The following PTPN4 variants were observed in gnomAD, a reference collection of about 807,000 sequenced individuals.
PTPN4 encodes the protein protein tyrosine phosphatase non-receptor type 4.
PTPN4 carries 49 observed loss-of-function variants against 135.5 expected under a neutral mutation model. The ratio of observed to expected loss-of-function variants is 0.36; its 90% CI spans 0.29 to 0.46. PTPN4 has a LOEUF of 0.46. Among genes scored for constraint, PTPN4 ranks in the 20% least tolerant of loss-of-function variants. The probability of loss-of-function intolerance (pLI) is 1.00; values close to 1 mark genes in which losing one functional copy is unlikely to be tolerated. For missense variants in PTPN4, 860 were observed against 1,101.0 expected (o/e 0.78, Z 3.10); for synonymous variants, 333 against 369.9 (o/e 0.90, Z 1.14).
chr2:119,795,443 T>C (rs1280131908), intron 1 of PTPN4, among the ~76,000 whole-genome samples: 1 of 152,246 alleles, frequency 6.6e-6, no homozygotes, highest in African/African-American at 2.4e-5. Context: ...GCCTTTCTCC[T>C]GTGCTCGTTG....
At chr2:119,799,384 T>TA (rs1224152753) in intron 1 of PTPN4, among the ~76,000 whole-genome samples, 6 of 152,062 alleles carry the variant, frequency 3.9e-5, no homozygotes, top group Non-Finnish European at 8.8e-5. Context: ...ATTTGAAAAA[T>TA]AAAAAACACT....
At chr2:119,943,641 A>G (rs1348850671) in intron 15 of PTPN4, among the ~76,000 whole-genome samples, 1 of 123,766 alleles carries the variant, frequency 8.1e-6, no homozygotes, top group Non-Finnish European at 1.6e-5. Context: ...GTTGGAGTGC[A>G]GTGGCGCGAT....
chr2:119,944,755 C>G (rs991449403), intron 15 of PTPN4, among the ~76,000 whole-genome samples: 1 of 152,090 alleles, frequency 6.6e-6, no homozygotes, highest in African/African-American at 2.4e-5. Context: ...TCTTGCCTAC[C>G]TTATTCCTGG....
At chr2:119,952,937 T>C (rs1363353264) in intron 19 of PTPN4, among the ~76,000 whole-genome samples, 2 of 152,328 alleles carry the variant, frequency 1.3e-5, no homozygotes, top group Middle Eastern at 3.4e-3. Context: ...AGTCCATCTT[T>C]CTTCAGTCCT....
chr2:119,933,626 G>A (rs1271429937), intron 14 of PTPN4, among the ~76,000 whole-genome samples: 3 of 146,306 alleles, frequency 2.1e-5, no homozygotes, highest in African/African-American at 7.7e-5. Flanking sequence ...TCACACCACT[G>A]CACTTCAGCC....
intron 1 of PTPN4, among the ~76,000 whole-genome samples, chr2:119,761,026 G>A (rs1690482579): frequency 6.6e-6 from 1 of 152,130 alleles, no homozygotes; most frequent in South Asian, 2.1e-4. Flanking sequence ...CTTGCATCAT[G>A]TAGTGACATC....
At position 119,900,350 on chromosome 2, in the gene PTPN4, G is replaced by C. The variant is rs1574395098; in HGVS notation, c.676-368G>C. Reference sequence around the variant, plus strand: ...TCATGTTTGTGATGTTAGCATCACAGTTACTTAGTAAATGGATTGTAATAC... The same window carrying C: ...TCATGTTTGTGATGTTAGCATCACACTTACTTAGTAAATGGATTGTAATAC... On this transcript the variant is annotated intron_variant, in intron 9 of 26. Coordinates refer to ENST00000263708, the MANE Select transcript of PTPN4 (RefSeq NM_002830.4). Among the ~76,000 whole-genome samples the C allele has an allele frequency of 3.3e-5, 5 of 152,070 alleles. No homozygotes were observed. In the South Asian group the frequency reaches 8.3e-4, roughly 25 times the overall value.
intron 10 of PTPN4, among the ~76,000 whole-genome samples, chr2:119,909,661 G>A (rs557240554): frequency 6.6e-6 from 1 of 152,124 alleles, no homozygotes; most frequent in Non-Finnish European, 1.5e-5. Context: ...TTCTCTGATG[G>A]ATCTGGGAAA....
At chr2:119,892,808 G>T (rs1303615859) in intron 9 of PTPN4, among the ~76,000 whole-genome samples, 1 of 151,530 alleles carries the variant, frequency 6.6e-6, no homozygotes, top group African/African-American at 2.4e-5. Context: ...TGCAGCCTTG[G>T]TCTCTTGGGT....
chr2:119,836,079 AAAAG>A (rs1159959773), intron 2 of PTPN4, among the ~76,000 whole-genome samples: 16 of 144,648 alleles, frequency 1.1e-4, no homozygotes, highest in Non-Finnish European at 1.9e-4. Flanking sequence ...AAAAAAAAAA[AAAAG>A]AAAGAAATAT....
intron 22 of PTPN4, among the ~76,000 whole-genome samples, chr2:119,959,165 T>C (rs1236744812): frequency 1.3e-5 from 2 of 151,908 alleles, no homozygotes; most frequent in Non-Finnish European, 2.9e-5. Flanking sequence ...GAATAAATTT[T>C]AGCAAGTAGT....
intron 12 of PTPN4, among the ~76,000 whole-genome samples, chr2:119,921,798 C>T (rs189066987): frequency 1.2e-4 from 18 of 152,222 alleles, no homozygotes; most frequent in Admixed American, 9.8e-4. Context: ...GAAATCTCCA[C>T]GGCTTTATGT....
chr2:119,970,222 G>C (rs774000792), intron 26 of PTPN4, among the ~76,000 whole-genome samples: 7 of 151,928 alleles, frequency 4.6e-5, no homozygotes, highest in Non-Finnish European at 1.0e-4. Flanking sequence ...ACCACGCCCA[G>C]CTAATTTTTG....
intron 2 of PTPN4, among the ~76,000 whole-genome samples, chr2:119,849,522 G>C (rs1038696700): frequency 9.9e-5 from 15 of 151,978 alleles, no homozygotes; most frequent in Non-Finnish European, 2.1e-4. Context: ...GGCTGATGTC[G>C]AACTCCTGGG....
intron 15 of PTPN4, among the ~76,000 whole-genome samples, chr2:119,943,056 A>G (rs1257297253): frequency 1.3e-5 from 2 of 152,230 alleles, no homozygotes; most frequent in African/African-American, 4.8e-5. Context: ...CTATGCAGAC[A>G]TCTAGGCTAA....
intron 12 of PTPN4, among the ~76,000 whole-genome samples, chr2:119,925,895 C>G (rs1429949715): frequency 6.6e-6 from 1 of 152,120 alleles, no homozygotes; most frequent in Non-Finnish European, 1.5e-5. Context: ...TATTACCTCC[C>G]TCTTAGAGGA....
intron 12 of PTPN4, 85 bp downstream of exon 12, chr2:119,920,326 A>G (rs779433701): frequency 8.6e-6 from 12 of 1,402,884 alleles, no homozygotes; most frequent in African/African-American, 1.4e-5. Flanking sequence ...GGAACCATAC[A>G]ACCTTTGTTA....
intron 9 of PTPN4, among the ~76,000 whole-genome samples, chr2:119,897,850 A>G (rs946035990): frequency 6.6e-6 from 1 of 152,262 alleles, no homozygotes; most frequent in Non-Finnish European, 1.5e-5. Context: ...AATTACCATC[A>G]GAAATCAAAT....
At position 119,877,540 on chromosome 2, in the gene PTPN4, A is replaced by C. The variant is rs770178270; in HGVS notation, c.366A>C (p.Thr122=). The C allele has an allele frequency of 5.0e-6, 8 of 1,599,526 alleles. No individual in the cohort carries two copies. The highest frequency in any genetic ancestry group is 6.8e-6 in the Non-Finnish European group (8 of 1,175,898). ...CCAACAAGTTACAAGAAGAATATAC[A>C]AGGTGGGTTTATGGATATATTTTTC... ...SDPNKLQEEY[T]RYQYFLQIKQ... Residue 122 remains threonine (T), a splice_region_variant and synonymous_variant, in exon 5 of 27, where the codon ACA becomes ACC. Coordinates refer to ENST00000263708, the MANE Select transcript of PTPN4 (RefSeq NM_002830.4).
Sources: gnomAD v4.1 joint callset for allele counts (sites outside exome capture counted in the v4.1 genomes callset) on GRCh38, gnomAD v4.1.1 for gene constraint, MANE v1.5 for transcripts, NCBI Gene and HGNC (gene_info 2026-07-23, HGNC 2026-07-21) for gene names.